Variants in GALNT13 observed in about 807,000 individuals in gnomAD.
The protein encoded by GALNT13 is polypeptide N-acetylgalactosaminyltransferase 13, also known as UDP-GalNAc:polypeptide N-acetylgalactosaminyltransferase 13.
A neutral mutation model predicts 64.2 loss-of-function variants in GALNT13; 28 were observed. The observed-to-expected ratio is 0.44, with a 90% CI of 0.32 to 0.60. The LOEUF (loss-of-function observed/expected upper bound fraction) is 0.60, where lower values mean the gene tolerates loss of function less well. Among genes scored for constraint, GALNT13 ranks in the 20% least tolerant of loss-of-function variants. The pLI, the probability that GALNT13 is intolerant of heterozygous loss-of-function variation, is 0.05. For missense variants in GALNT13, 577 were observed against 669.8 expected (o/e 0.86, Z 1.53); for synonymous variants, 214 against 224.6 (o/e 0.95, Z 0.42).
rs114759035 is a variant in GALNT13 at position 154,144,604 on chromosome 2, C to T, written c.311+4099C>T. Among the ~76,000 whole-genome samples, 1,208 of 152,122 alleles carry T rather than the reference C, an allele frequency of 7.9e-3. 13 individuals are homozygous for T. Among genetic ancestry groups the T allele is most frequent in the African/African-American group, 0.027 (1,117 of 41,520 alleles). ...TCAAATATCTAATCATATTTTACTGCGTTATACCTTTAAACTATTTTGGCT... is the reference window on the plus strand; with the variant it reads ...TCAAATATCTAATCATATTTTACTGTGTTATACCTTTAAACTATTTTGGCT... On this transcript the variant is annotated intron_variant, in intron 4 of 12. Transcript: ENST00000392825.
the GALNT13 span, among the ~76,000 whole-genome samples, chr2:153,680,047 G>C: frequency 2.6e-5 from 4 of 151,664 alleles, no homozygotes; most frequent in Admixed American, 2.0e-4. Context: ...TTTGTCACTT[G>C]TCCTTCTACC....
the GALNT13 span, among the ~76,000 whole-genome samples, chr2:153,484,139 A>T: frequency 1.8e-4 from 27 of 152,262 alleles, no homozygotes; most frequent in Non-Finnish European, 1.6e-4. Flanking sequence ...ATCCCCCCAA[A>T]TGTATTACTC....
the GALNT13 span, among the ~76,000 whole-genome samples, chr2:153,375,881 G>A: frequency 6.6e-6 from 1 of 152,162 alleles, no homozygotes; most frequent in Admixed American, 6.6e-5. Flanking sequence ...TGTACAAGAA[G>A]CGTGGTGCCA....
chr2:153,644,004 A>C, the GALNT13 span, among the ~76,000 whole-genome samples: 1 of 151,966 alleles, frequency 6.6e-6, no homozygotes. Context: ...GGAAGAATGC[A>C]AGACTATCTA....
the GALNT13 span, among the ~76,000 whole-genome samples, chr2:153,620,689 G>A: frequency 0.98 from 148,621 of 152,050 alleles, 72,742 homozygotes; most frequent in East Asian, 1. Flanking sequence ...AATTTTTTTC[G>A]GTTTCCTCAA....
chr2:153,573,872 T>G, the GALNT13 span, among the ~76,000 whole-genome samples: 3 of 152,144 alleles, frequency 2.0e-5, no homozygotes, highest in Non-Finnish European at 1.5e-5. Flanking sequence ...AAGTGTAGTT[T>G]ACACACCAGT....
chr2:154,244,728 G>A (rs1689681003), intron 6 of GALNT13, among the ~76,000 whole-genome samples: 3 of 152,094 alleles, frequency 2.0e-5, no homozygotes, highest in Non-Finnish European at 2.9e-5. Context: ...ATTAGAGAAG[G>A]CACAACATGG....
chr2:154,403,786 A>G (rs1699406216), intron 10 of GALNT13, among the ~76,000 whole-genome samples: 1 of 152,154 alleles, frequency 6.6e-6, no homozygotes, highest in Non-Finnish European at 1.5e-5. Context: ...CTGTTTAAGC[A>G]GAACTGAGTC....
intron 8 of GALNT13, among the ~76,000 whole-genome samples, chr2:154,295,208 G>A (rs1376456200): frequency 6.6e-6 from 1 of 152,020 alleles, no homozygotes; most frequent in Non-Finnish European, 1.5e-5. Context: ...TGAATTTAGT[G>A]GAGTACAGAT....
chr2:153,290,746 T>G, the GALNT13 span, among the ~76,000 whole-genome samples: 1 of 152,196 alleles, frequency 6.6e-6, no homozygotes, highest in South Asian at 2.1e-4. Context: ...ATTTTGTACC[T>G]TGCATGGAGT....
chr2:153,652,135 A>G, the GALNT13 span, among the ~76,000 whole-genome samples: 1 of 152,178 alleles, frequency 6.6e-6, no homozygotes, highest in South Asian at 2.1e-4. Flanking sequence ...TATTTCATGT[A>G]TGTTGCATAG....
chr2:153,995,503 T>G (rs1372243001), intron 3 of GALNT13, among the ~76,000 whole-genome samples: 2 of 152,178 alleles, frequency 1.3e-5, no homozygotes, highest in African/African-American at 4.8e-5. Context: ...AACTATCATT[T>G]AAATTTTCTT....
chr2:153,114,328 C>T, the GALNT13 span, among the ~76,000 whole-genome samples: 1 of 152,118 alleles, frequency 6.6e-6, no homozygotes, highest in African/African-American at 2.4e-5. Context: ...GAACAACCAA[C>T]CCCATGGTTT....
the GALNT13 span, among the ~76,000 whole-genome samples, chr2:153,317,171 C>G: frequency 1.3e-5 from 2 of 152,134 alleles, no homozygotes; most frequent in Admixed American, 6.6e-5. Context: ...CTTAGAAATT[C>G]AACCATAACA....
intron 4 of GALNT13, among the ~76,000 whole-genome samples, chr2:154,183,999 G>T (rs1362004056): frequency 6.6e-6 from 1 of 151,738 alleles, no homozygotes; most frequent in Non-Finnish European, 1.5e-5. Flanking sequence ...GCCAAGGCTG[G>T]CCTCAAAGTC....
At chr2:154,120,894 T>A (rs984299046) in intron 3 of GALNT13, among the ~76,000 whole-genome samples, 1 of 152,144 alleles carries the variant, frequency 6.6e-6, no homozygotes, top group Admixed American at 6.5e-5. Flanking sequence ...TGACCTGCAC[T>A]TCCTTCCTTT....
At chr2:153,205,600 C>G in the GALNT13 span, among the ~76,000 whole-genome samples, 5 of 152,168 alleles carry the variant, frequency 3.3e-5, no homozygotes, top group African/African-American at 1.2e-4. Context: ...AAATTCAACT[C>G]AAGTAACCCA....
At chr2:154,150,376 G>A (rs540199491) in intron 4 of GALNT13, among the ~76,000 whole-genome samples, 65 of 152,352 alleles carry the variant, frequency 4.3e-4, no homozygotes, top group Non-Finnish European at 7.1e-4. Context: ...CAAGGATATT[G>A]GTCTAAAATT....
the GALNT13 span, among the ~76,000 whole-genome samples, chr2:153,227,427 A>G: frequency 2.0e-5 from 3 of 152,166 alleles, no homozygotes; most frequent in Non-Finnish European, 4.4e-5. Context: ...GATGAAGACC[A>G]TTAGAGGTGA....
Sources: gnomAD v4.1 joint callset for allele counts (sites outside exome capture counted in the v4.1 genomes callset) on GRCh38, gnomAD v4.1.1 for gene constraint, MANE v1.5 for transcripts, NCBI Gene and HGNC (gene_info 2026-07-23, HGNC 2026-07-21) for gene names.